Variants in PTBP1 observed in about 807,000 individuals in gnomAD.
The protein encoded by PTBP1 is polypyrimidine tract binding protein 1, also known as polypyrimidine tract-binding protein 1.
PTBP1 carries 8 observed loss-of-function variants against 59.8 expected under a neutral mutation model. That is an observed-to-expected ratio of 0.13 (90% CI 0.08 to 0.24). The LOEUF is 0.24. Among genes scored for constraint, PTBP1 ranks in the 10% least tolerant of loss-of-function variants. PTBP1 has a pLI of 1.00. For missense variants in PTBP1, 686 were observed against 767.0 expected, an observed-to-expected ratio of 0.89 and a Z score of 1.25; for synonymous variants, 490 against 320.7, an observed-to-expected ratio of 1.53 and a Z score of -5.64.
intron 2 of PTBP1, among the ~76,000 whole-genome samples, chr19:802,773 G>C (rs1015052744): frequency 6.6e-6 from 1 of 152,220 alleles, no homozygotes; most frequent in African/African-American, 2.4e-5. Context: ...CTTGCAGCGG[G>C]GGGGATGTCT....
At position 805,293 on chromosome 19, in the gene PTBP1, C is replaced by G. The variant is rs867635840; in HGVS notation, c.892+106C>G. 3 of 1,333,614 alleles carry G rather than the reference C, an allele frequency of 2.2e-6. No individual in the cohort carries two copies. The Admixed American group carries it at 5.7e-5, about 25-fold the overall frequency. The allele number at this position is 1,333,614 out of a possible 1,614,324, so 82.6% of individuals were successfully genotyped here. On this transcript the variant is annotated intron_variant, in intron 8 of 14. Coordinates refer to ENST00000356948, the MANE Select transcript of PTBP1 (RefSeq NM_002819.5). ...CCGGCCCTGCACCAGGGTGATGCAC[C>G]TGCTGCTCTCTGCACGGCCAGCACA...
intron 2 of PTBP1, among the ~76,000 whole-genome samples, chr19:801,981 T>C (rs757786184): frequency 4.6e-5 from 7 of 152,228 alleles, no homozygotes; most frequent in Non-Finnish European, 1.0e-4. Context: ...CTGTTCATTC[T>C]CTGACCCTAA....
Position 808,179 on chromosome 19 carries a change from C to T in PTBP1, c.1154-181C>T, listed in dbSNP as rs1168360543. 7.7e-6 allele frequency: 5 copies of T among 647,304 alleles called. No individual in the cohort carries two copies. The highest frequency in any genetic ancestry group is 1.4e-5 in the Non-Finnish European group (5 of 363,930). The allele number at this position is 647,304 out of a possible 1,614,324, so 40.1% of individuals were successfully genotyped here. A position where few individuals can be genotyped will look rare whatever the true frequency, so the allele number is the denominator to read the frequency against. On this transcript the variant is annotated intron_variant, in intron 11 of 14. Transcript: ENST00000356948. The surrounding 1 kb of genome is among the most constrained non-coding windows in gnomAD (Gnocchi z 4.7). ...ACCTGTCCTGGATGCTATGACTTTG[C>T]TGAACGGAGCTGCTCCTGTTAGCGC... is the stretch of plus-strand genomic sequence containing the variant.
At chr19:800,112 T>A (rs965743842) in intron 2 of PTBP1, among the ~76,000 whole-genome samples, 6 of 151,270 alleles carry the variant, frequency 4.0e-5, no homozygotes, top group African/African-American at 1.5e-4. Flanking sequence ...TTTTTTTTTT[T>A]TTTTTTTGGT....
chr19:800,088 AG>A (rs2034265540), intron 2 of PTBP1, among the ~76,000 whole-genome samples: 1 of 136,320 alleles, frequency 7.3e-6, no homozygotes, highest in Non-Finnish European at 1.5e-5. Context: ...CACCATGCCC[AG>A]CTAATTTTTG....
chr19:800,414 A>T (rs931426812), intron 2 of PTBP1, among the ~76,000 whole-genome samples: 1 of 151,946 alleles, frequency 6.6e-6, no homozygotes, highest in Non-Finnish European at 1.5e-5. Flanking sequence ...GAGAAGAAGA[A>T]GGTCCTGGGG....
At position 801,729 on chromosome 19, in the gene PTBP1, G is replaced by A. The variant is rs142308114; in HGVS notation, c.40-1832G>A. 8.6e-3 allele frequency among the ~76,000 whole-genome samples: 1,315 copies of A among 152,326 alleles called. 7 individuals are homozygous for A. The highest frequency in any genetic ancestry group is 0.014 in the Non-Finnish European group (962 of 68,024). ...AGGTTGGAGGCCCTGCGTCTCAGGTGCACCCATCCTCCCTTCCTCCCGTCC... is the reference window on the plus strand; with the variant it reads ...AGGTTGGAGGCCCTGCGTCTCAGGTACACCCATCCTCCCTTCCTCCCGTCC... On this transcript the variant is annotated intron_variant, in intron 2 of 14. Coordinates refer to ENST00000356948, the MANE Select transcript of PTBP1 (RefSeq NM_002819.5).
At chr19:810,333 C>G (rs1226989106) in intron 13 of PTBP1, among the ~76,000 whole-genome samples, 5 of 152,038 alleles carry the variant, frequency 3.3e-5, no homozygotes, top group African/African-American at 1.2e-4. Context: ...GAGCGTGGTA[C>G]TCTGTTTCTG....
intron 1 of PTBP1, among the ~76,000 whole-genome samples, chr19:797,841 G>T (rs972466177): frequency 2.0e-5 from 3 of 148,072 alleles, no homozygotes; most frequent in Admixed American, 6.7e-5. Flanking sequence ...CCCGCTTCCC[G>T]TCCGGCCCTC....
intron 2 of PTBP1, 27 bp downstream of exon 2, chr19:799,470 G>C (rs1230125870): frequency 1.9e-6 from 3 of 1,612,528 alleles, no homozygotes; most frequent in East Asian, 4.5e-5. Flanking sequence ...TTGCTTCTCC[G>C]TGACGCTCCT....
chr19:806,028 C>T (rs560009719), intron 9 of PTBP1: 17 of 234,392 alleles, frequency 7.3e-5, no homozygotes, highest in South Asian at 6.6e-4. Flanking sequence ...CGGAGCAGCG[C>T]GTGCCGCCCG....
At chr19:803,913 A>T in intron 3 of PTBP1, 123 bp from the exon 4 acceptor site, 1 of 1,191,058 alleles carries the variant, frequency 8.4e-7, no homozygotes, top group Middle Eastern at 2.5e-4. Context: ...GCTGGTTCAC[A>T]TGCACCCTCC....
chr19:806,714 A>C, intron 10 of PTBP1, 158 bp downstream of exon 10: 1 of 600,218 alleles, frequency 1.7e-6, no homozygotes, highest in South Asian at 3.3e-5. Context: ...TCCTTTTCCA[A>C]GATGGCTTGA....
Position 804,191 on chromosome 19 carries a change from C to T in PTBP1, c.271C>T (p.Leu91=), listed in dbSNP as rs1216429144. 3.1e-6 allele frequency: 5 copies of T among 1,607,596 alleles called. No homozygotes were observed. The highest frequency in any genetic ancestry group is 1.1e-5 in the South Asian group (1 of 90,690). ...TGGGAAGGTCACCAACCTCCTGATG[C>T]TGAAGGGGAAAAACCAGGTACCTGA... is the stretch of plus-strand genomic sequence containing the variant. ...PFGKVTNLLM[L]KGKNQAFIEM... is the part of the protein sequence containing the mutation. The change falls in exon 4 of 15, where the codon CTG becomes TTG. Residue 91 remains leucine, a synonymous_variant. Coordinates refer to ENST00000356948, the MANE Select transcript of PTBP1 (RefSeq NM_002819.5).
At position 801,737 on chromosome 19, in the gene PTBP1, C is replaced by T. The variant is rs1215393473; in HGVS notation, c.40-1824C>T. 2.0e-5 allele frequency among the ~76,000 whole-genome samples: 3 copies of T among 152,006 alleles called. No individual in the cohort carries two copies. In the East Asian group the frequency reaches 5.8e-4, roughly 29 times the overall value. ...GGCCCTGCGTCTCAGGTGCACCCAT[C>T]CTCCCTTCCTCCCGTCCTCCCTTCC... is the stretch of plus-strand genomic sequence containing the variant. On this transcript the variant is annotated intron_variant, in intron 2 of 14. Coordinates refer to ENST00000356948, the MANE Select transcript of PTBP1 (RefSeq NM_002819.5).
rs1041084403 is a variant in PTBP1, at chr19:801,854, G to A, written c.40-1707G>A. ...CTTTCCCCTGGGCCTGCGCAGCCCC[G>A]CCTTGTGCTCATAGGGGGCCCCAGA... On this transcript the variant is annotated intron_variant, in intron 2 of 14. Transcript: ENST00000356948. Among the ~76,000 whole-genome samples, 14 of 152,150 alleles carry A rather than the reference G, an allele frequency of 9.2e-5. No homozygotes were observed. In the South Asian group the frequency reaches 1.0e-3, roughly 11 times the overall value.
At chr19:799,279 C>T (rs112541736) in intron 1 of PTBP1, 134 bp from the exon 2 acceptor site, 10 of 830,900 alleles carry the variant, frequency 1.2e-5, no homozygotes, top group Non-Finnish European at 1.9e-5. Context: ...AGCGGGGCCT[C>T]GTGCAGCCAG....
intron 2 of PTBP1, among the ~76,000 whole-genome samples, chr19:800,084 G>A (rs995556256): frequency 6.9e-6 from 1 of 145,758 alleles, no homozygotes; most frequent in African/African-American, 2.5e-5. Context: ...CCACCACCAT[G>A]CCCAGCTAAT....
In PTBP1 at chr19:804,256, A is replaced by T. The variant is rs765407817; in HGVS notation, c.289-36A>T. The T allele has an allele frequency of 2.5e-5, 40 of 1,611,858 alleles. 1 individual carries two copies. In the Admixed American group the frequency reaches 6.0e-4, roughly 24 times the overall value. On this transcript the variant is annotated intron_variant, in intron 4 of 14. Coordinates refer to ENST00000356948, the MANE Select transcript of PTBP1 (RefSeq NM_002819.5). ...GGGTGCTCACACCGTGCAGGCGGGGACGAGGAGGGCCCAGCGCTCACTGCC... is the reference window on the plus strand; with the variant it reads ...GGGTGCTCACACCGTGCAGGCGGGGTCGAGGAGGGCCCAGCGCTCACTGCC...
Sources: allele counts gnomAD v4.1 joint callset (sites outside exome capture counted in the v4.1 genomes callset), GRCh38; gene constraint gnomAD v4.1.1; non-coding constraint Gnocchi (gnomAD v3.1); transcripts MANE v1.5; gene names NCBI Gene and HGNC (gene_info 2026-07-23, HGNC 2026-07-21).